Variants in FNBP1L observed in about 807,000 individuals in gnomAD.
FNBP1L encodes the protein formin binding protein 1 like.
In FNBP1L, 36 loss-of-function variants were observed where a neutral mutation model predicts 91.2. The observed-to-expected ratio is 0.39, with a 90% CI of 0.30 to 0.52. The LOEUF (loss-of-function observed/expected upper bound fraction) is 0.52, where lower values mean the gene tolerates loss of function less well. Among genes scored for constraint, FNBP1L ranks in the 20% least tolerant of loss-of-function variants. The pLI is 0.66. For synonymous variants in FNBP1L, 242 were observed against 237.0 expected, an observed-to-expected ratio of 1.02 and a Z score of -0.19; for missense variants, 571 against 732.1, an observed-to-expected ratio of 0.78 and a Z score of 2.54.
chr1:93,455,551 C>T (rs964438882), intron 1 of FNBP1L, among the ~76,000 whole-genome samples: 3 of 152,152 alleles, frequency 2.0e-5, no homozygotes, highest in African/African-American at 7.2e-5. Flanking sequence ...TGCTGGTGGA[C>T]AACTATATTT....
rs547791840 is a variant in FNBP1L at position 93,459,172 on chromosome 1, A to C, written c.24+10867A>C. On this transcript the variant is annotated intron_variant, in intron 1 of 16. Coordinates refer to ENST00000271234, the MANE Select transcript of FNBP1L (RefSeq NM_001164473.3). The stretch of plus-strand genomic sequence containing the variant: ...CACCTGTAATCCCAGCTACTCCAAG[A>C]ATTGTTTGAACCCAGGAGGTGGAGG... Among the ~76,000 whole-genome samples the C allele has an allele frequency of 2.4e-4, 36 of 152,216 alleles. No homozygotes were observed. The South Asian group carries it at 5.2e-3, about 22-fold the overall frequency.
chr1:93,482,695 C>G (rs897681417), intron 1 of FNBP1L, among the ~76,000 whole-genome samples: 8 of 151,970 alleles, frequency 5.3e-5, no homozygotes, highest in African/African-American at 1.9e-4. Flanking sequence ...GAGTTCAAGA[C>G]TAGCCTGGGC....
At chr1:93,474,923 G>T (rs899437257) in intron 1 of FNBP1L, among the ~76,000 whole-genome samples, 2 of 152,114 alleles carry the variant, frequency 1.3e-5, no homozygotes, top group East Asian at 3.8e-4. Flanking sequence ...CTTAGTAGGA[G>T]ATATATATAT....
chr1:93,538,980 A>G (rs1166237174), intron 10 of FNBP1L, among the ~76,000 whole-genome samples: 1 of 152,086 alleles, frequency 6.6e-6, no homozygotes, highest in Non-Finnish European at 1.5e-5. Context: ...AGGAAGTTCT[A>G]TAATTTCCTT....
intron 2 of FNBP1L, among the ~76,000 whole-genome samples, chr1:93,512,060 T>C (rs1326674595): frequency 7.0e-6 from 1 of 143,408 alleles, no homozygotes; most frequent in Non-Finnish European, 1.5e-5. Context: ...AGGCTCAAAA[T>C]AAAAGGATGG....
chr1:93,511,277 C>G (rs1218329206), intron 2 of FNBP1L, among the ~76,000 whole-genome samples: 2 of 152,158 alleles, frequency 1.3e-5, no homozygotes, highest in South Asian at 2.1e-4. Context: ...CTCTACAAGC[C>G]AGAAGAGAGT....
chr1:93,518,162 T>C (rs976165001), intron 2 of FNBP1L, among the ~76,000 whole-genome samples: 1 of 152,236 alleles, frequency 6.6e-6, no homozygotes, highest in Non-Finnish European at 1.5e-5. Flanking sequence ...TATATATCTC[T>C]ACTGGGCATT....
chr1:93,458,280 A>G (rs1002896870), intron 1 of FNBP1L, among the ~76,000 whole-genome samples: 1 of 152,088 alleles, frequency 6.6e-6, no homozygotes, highest in Non-Finnish European at 1.5e-5. Flanking sequence ...CTGGATATCC[A>G]CATGCAGAAG....
At chr1:93,523,281 A>T (rs1282261079) in intron 3 of FNBP1L, 63 bp from the exon 4 acceptor site, 1 of 1,512,254 alleles carries the variant, frequency 6.6e-7, no homozygotes, top group East Asian at 2.4e-5. Context: ...TTCAGTCCAT[A>T]CCTCACCAAC....
chr1:93,549,657 A>C (rs1241872575), intron 15 of FNBP1L, among the ~76,000 whole-genome samples: 1 of 152,174 alleles, frequency 6.6e-6, no homozygotes, highest in Non-Finnish European at 1.5e-5. Context: ...CCTAATACAG[A>C]TTATTAATTA....
Position 93,479,696 on chromosome 1 carries a change from T to TTATAGG in FNBP1L, c.25-19770_25-19765dup, listed in dbSNP as rs1388947989. Among the ~76,000 whole-genome samples the TTATAGG allele has an allele frequency of 2.0e-5, 3 of 152,302 alleles. No individual in the cohort carries two copies. The East Asian group carries it at 5.8e-4, about 29-fold the overall frequency. ...ATATCTCTCCTACTTGCACATTGAT[T>TTATAGG]TATAGGTTCTCTGCAAGAAGAAAAA... On this transcript the variant is annotated intron_variant, in intron 1 of 16. Transcript: ENST00000271234.
chr1:93,532,483 A>C (rs1671710424), intron 7 of FNBP1L, among the ~76,000 whole-genome samples: 1 of 151,204 alleles, frequency 6.6e-6, no homozygotes, highest in African/African-American at 2.4e-5. Flanking sequence ...AAAAAAAAAA[A>C]AAAAAAGTCT....
At chr1:93,514,090 A>G (rs1402451487) in intron 2 of FNBP1L, among the ~76,000 whole-genome samples, 2 of 151,556 alleles carry the variant, frequency 1.3e-5, no homozygotes, top group Admixed American at 6.6e-5. Context: ...TACAAAATCA[A>G]TGTACAAAAA....
At chr1:93,514,684 A>G (rs1023949808) in intron 2 of FNBP1L, among the ~76,000 whole-genome samples, 1 of 152,066 alleles carries the variant, frequency 6.6e-6, no homozygotes, top group African/African-American at 2.4e-5. Context: ...TCCCTATTTA[A>G]TAAATGGTGC....
intron 2 of FNBP1L, among the ~76,000 whole-genome samples, chr1:93,510,502 T>TG (rs1297875902): frequency 5.3e-5 from 8 of 152,000 alleles, no homozygotes; most frequent in African/African-American, 9.7e-5. Context: ...ACCACAAAGA[T>TG]GGGGAAAAAA....
At chr1:93,522,053 A>G in intron 2 of FNBP1L, 29 bp from the exon 3 acceptor site, 1 of 1,417,742 alleles carries the variant, frequency 7.1e-7, no homozygotes, top group Non-Finnish European at 9.4e-7. Context: ...GAAATTTTTA[A>G]TAAACTTTAA....
intron 2 of FNBP1L, among the ~76,000 whole-genome samples, chr1:93,501,187 A>G (rs979128311): frequency 2.6e-5 from 4 of 152,202 alleles, no homozygotes; most frequent in African/African-American, 7.2e-5. Flanking sequence ...AAAAAGTGCT[A>G]TAGGTAATAC....
In FNBP1L at chr1:93,467,644, A is replaced by G. The variant is rs527528566; in HGVS notation, c.24+19339A>G. Among the ~76,000 whole-genome samples the G allele has an allele frequency of 2.6e-5, 4 of 152,266 alleles. No individual in the cohort carries two copies. The East Asian group carries it at 7.7e-4, about 29-fold the overall frequency. ...AAATGGTAGAGCCAAGCATGGTGGC[A>G]TATGCATGTTGTCCCAGCTACTTAG... On this transcript the variant is annotated intron_variant, in intron 1 of 16. Transcript: ENST00000271234.
At chr1:93,515,677 A>G (rs1671072874) in intron 2 of FNBP1L, among the ~76,000 whole-genome samples, 1 of 149,514 alleles carries the variant, frequency 6.7e-6, no homozygotes, top group Non-Finnish European at 1.5e-5. Context: ...AAAAAACCAA[A>G]CACCGCATAT....
Sources: allele counts gnomAD v4.1 joint callset (sites outside exome capture counted in the v4.1 genomes callset), GRCh38; gene constraint gnomAD v4.1.1; transcripts MANE v1.5; gene names NCBI Gene and HGNC (gene_info 2026-07-23, HGNC 2026-07-21).